Variants in DOK7 observed in about 807,000 individuals in gnomAD.
DOK7 encodes docking protein 7, also known as protein Dok-7.
In DOK7, 32 loss-of-function variants were observed where a neutral mutation model predicts 30.7. The observed-to-expected ratio is 1.04, with a 90% CI of 0.79 to 1.40. The LOEUF (loss-of-function observed/expected upper bound fraction) is 1.40, where lower values mean the gene tolerates loss of function less well. Ranked by LOEUF, DOK7 falls within the 40% of genes most tolerant of loss-of-function variation. The pLI is 0.00. For synonymous variants in DOK7, 447 were observed against 324.1 expected (o/e 1.38, Z -4.07); for missense variants, 1,007 against 699.2 (o/e 1.44, Z -4.97).
downstream of DOK7, among the ~76,000 whole-genome samples, chr4:3,498,589 T>C (rs969805198): frequency 6.6e-6 from 1 of 152,020 alleles, no homozygotes; most frequent in Non-Finnish European, 1.5e-5. Flanking sequence ...CGGCGCTCCC[T>C]CAGCTCTCCC....
intron 5 of DOK7, among the ~76,000 whole-genome samples, chr4:3,487,255 G>A (rs910195375): frequency 6.6e-6 from 1 of 152,198 alleles, no homozygotes; most frequent in Non-Finnish European, 1.5e-5. Context: ...ACTATGCTGG[G>A]CAGCACCCCA....
At chr4:3,465,193 C>T (rs556903731) in intron 2 of DOK7, among the ~76,000 whole-genome samples, 3 of 152,294 alleles carry the variant, frequency 2.0e-5, no homozygotes, top group South Asian at 2.1e-4. Flanking sequence ...GCCCAGAGGT[C>T]GGTCAGATGA....
At position 3,493,456 on chromosome 4, in the gene DOK7, G is replaced by A. The variant is rs543344505; in HGVS notation, c.1470G>A (p.Ser490=). 2.9e-5 allele frequency: 46 copies of A among 1,610,082 alleles called. No individual in the cohort carries two copies. In the East Asian group the frequency reaches 5.4e-4, roughly 19 times the overall value. Residue 490 remains serine, a synonymous_variant, in exon 7 of 7, where the codon TCG becomes TCA. Transcript: ENST00000340083. ...PHAGPPPAFF[S]ACPVCGGLKV... is the part of the protein sequence containing the mutation. ...CGGGGCCACCCCCGGCTTTCTTTTC[G>A]GCATGTCCAGTCTGTGGAGGACTCA...
rs1186100554 is a variant in DOK7, at chr4:3,463,541, G to T, written c.90G>T (p.Ser30=). 7.2e-7 allele frequency: 1 copy of T among 1,381,506 alleles called. No homozygotes were observed. The highest frequency in any genetic ancestry group is 1.2e-5 in the South Asian group (1 of 81,108). The allele number at this position is 1,381,506 out of a possible 1,614,324, so 85.6% of individuals were successfully genotyped here. A position where few individuals can be genotyped will look rare whatever the true frequency, so the allele number is the denominator to read the frequency against. ...GGTGGCTGGTGCTGCGGAAGCCGTCGCCCGTGGCAGGTGAGCGGGGCGGGC... is the reference window on the plus strand; with the variant it reads ...GGTGGCTGGTGCTGCGGAAGCCGTCTCCCGTGGCAGGTGAGCGGGGCGGGC... ...KSRWLVLRKP[S]PVADCLLMLV... Residue 30 remains serine (S), a synonymous_variant, in exon 2 of 7, where the codon TCG becomes TCT. Coordinates refer to ENST00000340083, the MANE Select transcript of DOK7 (RefSeq NM_173660.5).
At chr4:3,484,521 G>T (rs535200745) in intron 4 of DOK7, 5 of 985,406 alleles carry the variant, frequency 5.1e-6, no homozygotes, top group Admixed American at 6.1e-5. Context: ...GTGTCCAGCC[G>T]GGTGCAGCCA....
At chr4:3,477,805 C>T (rs1319193899) in intron 4 of DOK7, among the ~76,000 whole-genome samples, 1 of 149,918 alleles carries the variant, frequency 6.7e-6, no homozygotes, top group African/African-American at 2.5e-5. Context: ...AGGGCCGCTG[C>T]CTATGCCAGC....
chr4:3,492,925 T>C lies in DOK7; in HGVS notation c.939T>C (p.Gly313=), dbSNP rs1321389143. ...AAQAAGEAMV[G]ASRPPPKPLR... ...AGGCCGCCGGGGAAGCCATGGTGGGTGCCTCAAGGCCACCCCCCAAGCCGC... is the reference window on the plus strand; with the variant it reads ...AGGCCGCCGGGGAAGCCATGGTGGGCGCCTCAAGGCCACCCCCCAAGCCGC... The change falls in exon 7 of 7, where the codon GGT becomes GGC. Residue 313 remains glycine (G), a synonymous_variant. Coordinates refer to ENST00000340083, the MANE Select transcript of DOK7 (RefSeq NM_173660.5). 6.4e-7 allele frequency: 1 copy of C among 1,562,654 alleles called. No individual in the cohort carries two copies. Among genetic ancestry groups the C allele is most frequent in the Non-Finnish European group, 8.6e-7 (1 of 1,157,152 alleles).
chr4:3,469,097 T>A (rs1726576034), intron 2 of DOK7, among the ~76,000 whole-genome samples: 4 of 150,428 alleles, frequency 2.7e-5, no homozygotes, highest in African/African-American at 9.9e-5. Context: ...TGTGTGCCTG[T>A]GTGTGCGTGC....
rs1255756275 is a variant in DOK7, at chr4:3,493,273, T to G, written c.1287T>G (p.Ser429Arg). 4 of 1,611,056 alleles carry G rather than the reference T, an allele frequency of 2.5e-6. No individual in the cohort carries two copies. The highest frequency in any genetic ancestry group is 3.4e-6 in the Non-Finnish European group (4 of 1,179,326). The change falls in exon 7 of 7, where the codon AGT (serine) becomes AGG (arginine). Residue 429 changes from serine to arginine, a missense_variant. Coordinates refer to ENST00000340083, the MANE Select transcript of DOK7 (RefSeq NM_173660.5). ...SPPSQGSPGN[S>R]AARDSGGQTS... Reference sequence around the variant, plus strand: ...CCTCACAGGGCAGCCCCGGCAACAGTGCGGCCAGGGACTCAGGCGGCCAGA... The same window carrying G: ...CCTCACAGGGCAGCCCCGGCAACAGGGCGGCCAGGGACTCAGGCGGCCAGA...
At chr4:3,488,591 G>A (rs964573463) in intron 5 of DOK7, among the ~76,000 whole-genome samples, 5 of 152,206 alleles carry the variant, frequency 3.3e-5, no homozygotes, top group African/African-American at 7.2e-5. Flanking sequence ...GTACCTTCTG[G>A]TCCTCTGTGC....
At chr4:3,487,028 G>A (rs7681258) in intron 5 of DOK7, among the ~76,000 whole-genome samples, 1,820 of 152,252 alleles carry the variant, frequency 0.012, 37 homozygotes, top group African/African-American at 0.04. Flanking sequence ...CAGGCAGCAC[G>A]TGGGCCAGCC....
chr4:3,486,005 C>T (rs1727761397), intron 5 of DOK7, among the ~76,000 whole-genome samples: 1 of 151,974 alleles, frequency 6.6e-6, no homozygotes, highest in Admixed American at 6.5e-5. Flanking sequence ...CTTCCACGCC[C>T]AGGAGCAGGG....
chr4:3,489,598 G>T, intron 5 of DOK7, 79 bp from the exon 6 acceptor site: 2 of 1,548,774 alleles, frequency 1.3e-6, no homozygotes, highest in East Asian at 4.9e-5. Flanking sequence ...TAACCACTGA[G>T]TCAGGCTGGG....
intron 5 of DOK7, among the ~76,000 whole-genome samples, chr4:3,485,976 T>G (rs1727758019): frequency 6.6e-6 from 1 of 151,942 alleles, no homozygotes; most frequent in Admixed American, 6.5e-5. Context: ...TAAGAGACCC[T>G]CTGACCCACC....
In DOK7 at chr4:3,492,821, A is replaced by G. The variant is rs1323969926; in HGVS notation, c.835A>G (p.Ser279Gly). The G allele has an allele frequency of 1.6e-5, 26 of 1,612,574 alleles. No homozygotes were observed. The highest frequency in any genetic ancestry group is 2.1e-5 in the Non-Finnish European group (25 of 1,179,978). The change falls in exon 7 of 7, where the codon AGC becomes GGC. Residue 279 changes from serine (S) to glycine (G), a missense_variant. By Grantham distance (56) the Ser-to-Gly change is moderately conservative. Coordinates refer to ENST00000340083, the MANE Select transcript of DOK7 (RefSeq NM_173660.5). ...CAGTCACTTGGACGTCAGCGCCAGC[A>G]GCCGGCTCACCGCATGGCCAGAGCA... The part of the protein sequence containing the change: ...EASHLDVSAS[S>G]RLTAWPEQSS...
chr4:3,463,450 C>CGGGGGGGGGGGGGGGGGGG (rs71180187), intron 1 of DOK7, 21 bp downstream of exon 1: 47 of 1,230,560 alleles, frequency 3.8e-5, no homozygotes, highest in South Asian at 1.8e-4. Context: ...GTCGGGGGCG[C>CGGGGGGGGGGGGGGGGGGG]GGGGGGGGGG....
At position 3,493,330 on chromosome 4, in the gene DOK7, C is replaced by A; in HGVS notation, c.1344C>A (p.Gly448=). 6.2e-7 allele frequency: 1 copy of A among 1,601,624 alleles called. No individual in the cohort carries two copies. The highest frequency in any genetic ancestry group is 1.3e-5 in the African/African-American group (1 of 74,820). ...TSAGCPSGWL[G]TRRRGLVMEA... The stretch of plus-strand genomic sequence containing the variant: ...CCGGGTGTCCCTCTGGCTGGCTGGG[C>A]ACGAGACGGCGGGGCCTGGTGATGG... Residue 448 remains glycine, a synonymous_variant, in exon 7 of 7, where the codon GGC becomes GGA. Transcript: ENST00000340083.
rs377039397 is a variant in DOK7 at position 3,500,246 on chromosome 4, C to T, written c.1109-5C>T. 57 of 1,535,222 alleles carry T rather than the reference C, an allele frequency of 3.7e-5. No homozygotes were observed. The African/African-American group carries it at 6.3e-4, about 17-fold the overall frequency. On this transcript the variant is annotated splice_region_variant and splice_polypyrimidine_tract_variant and intron_variant, in intron 6 of 7. Coordinates refer to the DOK7 transcript ENST00000643608. ...ACCGGGGCTTCACAGCCGCTCCCCC[C>T]ACAGGATCCCCAGGACCCGTGGCTG...
At chr4:3,486,064 C>T (rs949694925) in intron 5 of DOK7, among the ~76,000 whole-genome samples, 2 of 152,258 alleles carry the variant, frequency 1.3e-5, no homozygotes, top group African/African-American at 4.8e-5. Flanking sequence ...TCTGACTCTG[C>T]AGCTGGGGTC....
Sources: gnomAD v4.1 joint callset for allele counts (sites outside exome capture counted in the v4.1 genomes callset) on GRCh38, gnomAD v4.1.1 for gene constraint, MANE v1.5 for transcripts, NCBI Gene and HGNC (gene_info 2026-07-23, HGNC 2026-07-21) for gene names.